ANO6: variants seen among roughly 807,000 people sequenced by gnomAD.
ANO6 encodes the protein anoctamin-6.
Under a neutral mutation model 117.5 loss-of-function variants are expected in ANO6, and 106 were observed. The observed-to-expected ratio is 0.90, with a 90% CI of 0.77 to 1.06. The LOEUF is 1.06. ANO6 is among the 50% of genes least tolerant of loss of function. ANO6 has a pLI of 0.00. For synonymous variants in ANO6, 367 were observed against 385.1 expected (o/e 0.95, Z 0.55); for missense variants, 955 against 1,121.1 (o/e 0.85, Z 2.12).
At chr12:45,231,015 G>A (rs1947565586) in intron 1 of ANO6, among the ~76,000 whole-genome samples, 1 of 152,134 alleles carries the variant, frequency 6.6e-6, no homozygotes, top group South Asian at 2.1e-4. Context: ...GCTGAGGTGG[G>A]AGGACTGCTT....
rs1592031514 is a variant in ANO6, at chr12:45,408,934, A to G, written c.1881-423A>G. 4.6e-5 allele frequency among the ~76,000 whole-genome samples: 7 copies of G among 152,144 alleles called. No homozygotes were observed. The South Asian group carries it at 1.4e-3, about 32-fold the overall frequency. ...GGCCACCTCCCTAGACACAAATGCA[A>G]GCACTCCCTGCCCTGCTTAGTTTTC... On this transcript the variant is annotated intron_variant, in intron 15 of 19. Coordinates refer to ENST00000320560, the MANE Select transcript of ANO6 (RefSeq NM_001025356.3).
intron 2 of ANO6, among the ~76,000 whole-genome samples, chr12:45,303,479 C>T (rs759794818): frequency 2.0e-4 from 31 of 152,150 alleles, no homozygotes; most frequent in Non-Finnish European, 4.1e-4. Flanking sequence ...CATATCTAAT[C>T]TAAAAAGAAC....
intron 1 of ANO6, chr12:45,270,314 T>C (rs1046420189): frequency 1.0e-5 from 12 of 1,158,358 alleles, no homozygotes; most frequent in African/African-American, 1.6e-5. Flanking sequence ...ATAAGGAAAA[T>C]GAGAGCAAAA....
At chr12:45,359,012 G>A (rs1941484834) in intron 8 of ANO6, among the ~76,000 whole-genome samples, 1 of 152,144 alleles carries the variant, frequency 6.6e-6, no homozygotes, top group Non-Finnish European at 1.5e-5. Context: ...TCGAACTCCT[G>A]ACCTCAGGTG....
intron 1 of ANO6, among the ~76,000 whole-genome samples, chr12:45,221,677 A>G (rs1947401477): frequency 6.6e-6 from 1 of 152,032 alleles, no homozygotes; most frequent in Admixed American, 6.6e-5. Context: ...AAATGCCTGC[A>G]GTGGTCATGG....
At chr12:45,433,166 T>TC (rs1943667486), downstream of ANO6, among the ~76,000 whole-genome samples, 1 of 152,186 alleles carries the variant, frequency 6.6e-6, no homozygotes, top group Non-Finnish European at 1.5e-5. Context: ...GATACCCGCT[T>TC]CTAGTTAGCT....
At chr12:45,338,397 G>A (rs1940886006) in intron 3 of ANO6, among the ~76,000 whole-genome samples, 1 of 152,014 alleles carries the variant, frequency 6.6e-6, no homozygotes, top group Admixed American at 6.6e-5. Flanking sequence ...AGTTTGCCTG[G>A]GAATGACATT....
intron 1 of ANO6, among the ~76,000 whole-genome samples, chr12:45,300,315 G>A (rs1433735072): frequency 2.0e-5 from 3 of 152,008 alleles, no homozygotes; most frequent in Non-Finnish European, 4.4e-5. Flanking sequence ...TGAGTAGCTG[G>A]GAATACAGGT....
intron 1 of ANO6, 32 bp downstream of exon 1, chr12:45,216,423 G>T: frequency 6.2e-7 from 1 of 1,601,776 alleles, no homozygotes; most frequent in Non-Finnish European, 8.5e-7. Context: ...CCCCACCCGA[G>T]AGCCCGAGCC....
At chr12:45,417,726 C>T (rs573021306) in intron 17 of ANO6, among the ~76,000 whole-genome samples, 1 of 152,322 alleles carries the variant, frequency 6.6e-6, no homozygotes, top group East Asian at 1.9e-4. Flanking sequence ...GTCTCACTCC[C>T]AGGTGAACCT....
At chr12:45,242,010 A>G (rs1420640446) in intron 1 of ANO6, among the ~76,000 whole-genome samples, 1 of 152,226 alleles carries the variant, frequency 6.6e-6, no homozygotes, top group African/African-American at 2.4e-5. Flanking sequence ...TCTCCCAGTT[A>G]GGCTACATGG....
At chr12:45,352,235 A>G (rs1179223495) in intron 7 of ANO6, among the ~76,000 whole-genome samples, 1 of 152,154 alleles carries the variant, frequency 6.6e-6, no homozygotes, top group Non-Finnish European at 1.5e-5. Flanking sequence ...GAAATAGAGT[A>G]TCATAGCAAG....
chr12:45,350,372 C>CTT (rs1435281722), intron 6 of ANO6, among the ~76,000 whole-genome samples: 1 of 152,132 alleles, frequency 6.6e-6, no homozygotes, highest in Admixed American at 6.5e-5. Context: ...GACTGCCCCA[C>CTT]TTAAAGCATT....
In ANO6 at chr12:45,364,164, A is replaced by G. The variant is rs535915815; in HGVS notation, c.999-3524A>G. Among the ~76,000 whole-genome samples, 35 of 152,244 alleles carry G rather than the reference A, an allele frequency of 2.3e-4. No individual in the cohort carries two copies. In the South Asian group the frequency reaches 7.3e-3, roughly 32 times the overall value. ...GGTTTTTATGAAAAGTTAGCTGCTAATCTTACTGAGGACCCTTTATATGTG... is the reference window on the plus strand; with the variant it reads ...GGTTTTTATGAAAAGTTAGCTGCTAGTCTTACTGAGGACCCTTTATATGTG... On this transcript the variant is annotated intron_variant, in intron 8 of 19. Coordinates refer to ENST00000320560, the MANE Select transcript of ANO6 (RefSeq NM_001025356.3).
Position 45,431,579 on chromosome 12 carries a change from T to TGACA in ANO6, c.*2269_*2272dup. On this transcript the variant is annotated 3_prime_UTR_variant, in exon 20 of 20. Coordinates refer to ENST00000320560, the MANE Select transcript of ANO6 (RefSeq NM_001025356.3). ...ATTGAAAGGCACCAAATGTAATATC[T>TGACA]GACACTGTTAAGATGCCCAAAAGAG... The TGACA allele has an allele frequency of 1.0e-6, 1 of 985,456 alleles. No individual in the cohort carries two copies. Among genetic ancestry groups the TGACA allele is most frequent in the Non-Finnish European group, 1.2e-6 (1 of 829,942 alleles). 61.0% of individuals were successfully genotyped at this position (985,456 alleles called of 1,614,324 possible).
At chr12:45,298,408 C>T (rs1197208367) in intron 1 of ANO6, among the ~76,000 whole-genome samples, 1 of 152,122 alleles carries the variant, frequency 6.6e-6, no homozygotes, top group African/African-American at 2.4e-5. Context: ...CCCTCAGTCA[C>T]CTTGATTTTG....
At chr12:45,418,301 G>T (rs1384880779) in intron 17 of ANO6, among the ~76,000 whole-genome samples, 9 of 152,146 alleles carry the variant, frequency 5.9e-5, no homozygotes. Flanking sequence ...TGTACTATTT[G>T]GAGAAAGTTG....
chr12:45,311,388 T>G (rs1939846336), intron 2 of ANO6, among the ~76,000 whole-genome samples: 1 of 152,054 alleles, frequency 6.6e-6, no homozygotes, highest in South Asian at 2.1e-4. Context: ...AAAAGGTTAA[T>G]GAAAATCTAG....
At chr12:45,324,231 C>T (rs1940386809) in intron 2 of ANO6, among the ~76,000 whole-genome samples, 1 of 152,132 alleles carries the variant, frequency 6.6e-6, no homozygotes, top group Non-Finnish European at 1.5e-5. Flanking sequence ...CCACGCTTGG[C>T]CTGCACCACT....
Sources: allele counts gnomAD v4.1 joint callset (sites outside exome capture counted in the v4.1 genomes callset), GRCh38; gene constraint gnomAD v4.1.1; transcripts MANE v1.5; gene names NCBI Gene and HGNC (gene_info 2026-07-23, HGNC 2026-07-21).